ARID3A: variants seen among roughly 807,000 people sequenced by gnomAD.
The protein encoded by ARID3A is AT-rich interactive domain-containing protein 3A.
In ARID3A, 11 loss-of-function variants were observed where a neutral mutation model predicts 52.7. The observed-to-expected ratio is 0.21, with a 90% confidence interval of 0.13 to 0.35. The LOEUF is 0.35. Among genes scored for constraint, ARID3A ranks in the 10% least tolerant of loss-of-function variants. The pLI is 1.00. For missense variants in ARID3A, 721 were observed against 838.5 expected (o/e 0.86, Z 1.73); for synonymous variants, 404 against 359.4 (o/e 1.12, Z -1.40).
At chr19:965,406 C>G in intron 6 of ARID3A, 1 of 278,850 alleles carries the variant, frequency 3.6e-6, no homozygotes. Context: ...AGTTTTCCCT[C>G]CCACTGAGCC....
At position 966,591 on chromosome 19, in the gene ARID3A, C is replaced by G. The variant is rs749252513; in HGVS notation, c.1218C>G (p.Pro406=). ...KIKKEEDSAI[P]ITVPGRLPVS... is the part of the protein sequence containing the mutation. ...ACCTAGAGGAGGACTCAGCCATCCC[C>G]ATCACAGTCCCTGGCCGCCTGCCTG... Residue 406 remains proline, a synonymous_variant, in exon 7 of 9, where the codon CCC becomes CCG. Transcript: ENST00000263620. The G allele has an allele frequency of 8.9e-6, 14 of 1,567,100 alleles. No homozygotes were observed. In the East Asian group the frequency reaches 3.2e-4, roughly 35 times the overall value.
rs2037353920 is a variant in ARID3A, at chr19:932,511, G to C, written c.462G>C (p.Glu154Asp). The part of the protein sequence containing the change: ...EEDYEDEEEE[E>D]DEEGLGPPGP... ...ATTACGAGGATGAGGAGGAGGAGGA[G>C]GACGAGGAGGGGCTGGGCCCCCCAG... is the stretch of plus-strand genomic sequence containing the variant. The change falls in exon 3 of 9, where the codon GAG (glutamate) becomes GAC (aspartate). Residue 154 changes from glutamate (E) to aspartate (D), a missense_variant. Glu to Asp is a conservative substitution (Grantham distance 45). Coordinates refer to ENST00000263620, the MANE Select transcript of ARID3A (RefSeq NM_005224.3). 6.5e-7 allele frequency: 1 copy of C among 1,540,846 alleles called. No homozygotes were observed. The highest frequency in any genetic ancestry group is 8.7e-7 in the Non-Finnish European group (1 of 1,148,504).
At chr19:952,238 A>T (rs2037815413) in intron 3 of ARID3A, among the ~76,000 whole-genome samples, 1 of 151,924 alleles carries the variant, frequency 6.6e-6, no homozygotes, top group South Asian at 2.1e-4. Context: ...TGAGCCCAGG[A>T]GTTTGTACCC....
At chr19:935,512 CTG>C in intron 3 of ARID3A, among the ~76,000 whole-genome samples, 1 of 152,162 alleles carries the variant, frequency 6.6e-6, no homozygotes, top group East Asian at 1.9e-4. Context: ...GGGTCTTACT[CTG>C]TCGGGTAGGC....
At position 968,908 on chromosome 19, in the gene ARID3A, C is replaced by A. The variant is rs540981594; in HGVS notation, c.1594+405C>A. ...GGCTCACGCAATCTTCCTGCCTCGG[C>A]GTCCCAAAGTGCTGGGATTACAGGC... On this transcript the variant is annotated intron_variant, in intron 8 of 8. Transcript: ENST00000263620. The A allele has an allele frequency of 1.3e-4, 21 of 155,902 alleles. No homozygotes were observed. The South Asian group carries it at 3.7e-3, about 28-fold the overall frequency. The allele number at this position is 155,902 out of a possible 1,614,324, so 9.7% of individuals were successfully genotyped here.
chr19:968,493 C>T lies in ARID3A; in HGVS notation c.1584C>T (p.Ile528=), dbSNP rs775890384. The T allele has an allele frequency of 3.7e-6, 6 of 1,613,766 alleles. No individual in the cohort carries two copies. The South Asian group carries it at 6.6e-5, about 18-fold the overall frequency. ...GCATGTCGGTGGAGATCAACGGCATCATGTACACAGGTAGGACCCCTGAGG... is the reference window on the plus strand; with the variant it reads ...GCATGTCGGTGGAGATCAACGGCATTATGTACACAGGTAGGACCCCTGAGG... ...SISMSVEING[I]MYTGVLFAQP... Residue 528 remains isoleucine (I), a synonymous_variant, in exon 8 of 9, where the codon ATC becomes ATT. Coordinates refer to ENST00000263620, the MANE Select transcript of ARID3A (RefSeq NM_005224.3).
At position 974,053 on chromosome 19, in the gene ARID3A, G is replaced by A. The variant is rs1163733347; in HGVS notation, c.*1988G>A. 5 of 227,152 alleles carry A rather than the reference G, an allele frequency of 2.2e-5. No individual in the cohort carries two copies. Among genetic ancestry groups the A allele is most frequent in the Non-Finnish European group, 4.4e-5 (5 of 114,352 alleles). The allele number at this position is 227,152 out of a possible 1,614,324, so 14.1% of individuals were successfully genotyped here. A position where few individuals can be genotyped will look rare whatever the true frequency, so the allele number is the denominator to read the frequency against. ...TAATTGGGCCCTGGGAGCCCTGTTA[G>A]GCCACCGGCATGGGGGCTTGGTGAG... On this transcript the variant is annotated 3_prime_UTR_variant, in exon 9 of 9. Coordinates refer to ENST00000263620, the MANE Select transcript of ARID3A (RefSeq NM_005224.3).
At chr19:943,277 A>G (rs566274026) in intron 3 of ARID3A, among the ~76,000 whole-genome samples, 1 of 151,788 alleles carries the variant, frequency 6.6e-6, no homozygotes, top group South Asian at 2.1e-4. Context: ...AGAAAAAAAA[A>G]AAAAAAAGGA....
chr19:975,592 A>T lies in ARID3A; in HGVS notation c.*3527A>T. ...CCACGCCTGAAACTCAGGTAATAGG[A>T]GGAAAAAAAAAAAAACTTAAAAAAA... On this transcript the variant is annotated 3_prime_UTR_variant, in exon 9 of 9. Transcript: ENST00000263620. 9.9e-6 allele frequency: 2 copies of T among 202,230 alleles called. No individual in the cohort carries two copies. The highest frequency in any genetic ancestry group is 1.0e-5 in the Non-Finnish European group (1 of 98,954). The allele number at this position is 202,230 out of a possible 1,614,324, so 12.5% of individuals were successfully genotyped here. A position where few individuals can be genotyped will look rare whatever the true frequency, so the allele number is the denominator to read the frequency against.
At chr19:926,775 GGCGCAGGAA>G (rs1293298056) in intron 1 of ARID3A, among the ~76,000 whole-genome samples, 2 of 151,686 alleles carry the variant, frequency 1.3e-5, no homozygotes, top group African/African-American at 4.8e-5. Context: ...CACAAAAGCG[GGCGCAGGAA>G]GCGCTGGGAG....
intron 3 of ARID3A, among the ~76,000 whole-genome samples, chr19:946,954 G>C (rs1245064346): frequency 1.3e-5 from 2 of 150,490 alleles, no homozygotes; most frequent in African/African-American, 2.5e-5. Context: ...ACTATGCCTG[G>C]CTAATTTTTT....
chr19:949,552 C>T (rs974433021), intron 3 of ARID3A, among the ~76,000 whole-genome samples: 5 of 152,172 alleles, frequency 3.3e-5, no homozygotes, highest in African/African-American at 1.2e-4. Context: ...TCAAGCCATC[C>T]TCCTGCCTCG....
chr19:962,905 G>C (rs547209409), intron 4 of ARID3A, among the ~76,000 whole-genome samples: 1 of 152,182 alleles, frequency 6.6e-6, no homozygotes, highest in Non-Finnish European at 1.5e-5. Context: ...TTTCCGGGCC[G>C]ATCCTGCAGC....
chr19:949,212 A>C (rs2037752464), intron 3 of ARID3A, among the ~76,000 whole-genome samples: 1 of 152,124 alleles, frequency 6.6e-6, no homozygotes, highest in African/African-American at 2.4e-5. Flanking sequence ...GTGGGGAGGC[A>C]GTGCTGGGTC....
chr19:950,356 G>A (rs1029129320), intron 3 of ARID3A, among the ~76,000 whole-genome samples: 1 of 57,086 alleles, frequency 1.8e-5, no homozygotes, highest in Non-Finnish European at 4.1e-5. Context: ...CAGAGGGAAC[G>A]GATGGATGAG....
intron 1 of ARID3A, among the ~76,000 whole-genome samples, chr19:926,698 C>T (rs1390873679): frequency 1.3e-5 from 2 of 151,286 alleles, no homozygotes; most frequent in East Asian, 2.0e-4. Context: ...GGGTTGGGCC[C>T]GGGCGCCCGG....
At chr19:946,705 T>A (rs1041151243) in intron 3 of ARID3A, among the ~76,000 whole-genome samples, 26 of 152,036 alleles carry the variant, frequency 1.7e-4, no homozygotes, top group Admixed American at 1.7e-3. Flanking sequence ...CCTCCCAAAG[T>A]GCTGGGATTA....
In ARID3A at chr19:959,457, T is replaced by C. The variant is rs914209950; in HGVS notation, c.694-635T>C. 1.3e-5 allele frequency among the ~76,000 whole-genome samples: 2 copies of C among 152,042 alleles called. No individual in the cohort carries two copies. Among genetic ancestry groups the C allele is most frequent in the Non-Finnish European group, 2.9e-5 (2 of 68,008 alleles). On this transcript the variant is annotated intron_variant, in intron 3 of 8. Transcript: ENST00000263620. This position sits in a 1 kb window ranked among gnomAD's most constrained non-coding sequence, Gnocchi z 5.0. ...CCTGGGTAACTTTTTGTTATCATAA[T>C]GTAGAGATGGGGTCTCACTATGTTG...
chr19:955,282 G>A (rs548928025), intron 3 of ARID3A, among the ~76,000 whole-genome samples: 9 of 152,290 alleles, frequency 5.9e-5, no homozygotes, highest in East Asian at 5.8e-4. Context: ...GAGCGGAACC[G>A]GGGGCCAGAG....
Sources: allele counts gnomAD v4.1 joint callset (sites outside exome capture counted in the v4.1 genomes callset), GRCh38; gene constraint gnomAD v4.1.1; non-coding constraint Gnocchi (gnomAD v3.1); transcripts MANE v1.5; gene names NCBI Gene and HGNC (gene_info 2026-07-23, HGNC 2026-07-21).